SCART1: variants seen among roughly 807,000 people sequenced by gnomAD.
SCART1 encodes the protein scavenger receptor cysteine-rich domain-containing protein SCART1.
SCART1 carries 62 observed loss-of-function variants against 36.2 expected under a neutral mutation model. The ratio of observed to expected loss-of-function variants is 1.71; its 90% CI spans 1.40 to 2.12. The LOEUF is 2.12. Ranked by LOEUF, SCART1 falls within the 30% of genes most tolerant of loss-of-function variation. The probability of loss-of-function intolerance (pLI) is 0.00; values close to 1 mark genes in which losing one functional copy is unlikely to be tolerated. For synonymous variants in SCART1, 487 were observed against 238.7 expected (o/e 2.04, Z -9.59); for missense variants, 1,041 against 540.5 (o/e 1.93, Z -9.18).
chr10:133,460,001 C>A, exon 6 of SCART1: 3 of 532,876 alleles, frequency 5.6e-6, no homozygotes, highest in South Asian at 5.2e-5. Flanking sequence ...TGGGCTGTGG[C>A]CGCGCCCTGA....
At chr10:133,464,765 G>A in exon 7 of SCART1, 1 of 702,082 alleles carries the variant, frequency 1.4e-6, no homozygotes, top group Non-Finnish European at 2.6e-6. Context: ...TGGGGAGTGG[G>A]GCTGGCTGGA....
Position 133,459,722 on chromosome 10 carries a change from A to C in SCART1, c.1521A>C (p.Glu507Asp), listed in dbSNP as rs891949149. 2.5e-4 allele frequency: 172 copies of C among 700,094 alleles called. 1 individual carries two copies. In the East Asian group the frequency reaches 4.6e-3, roughly 19 times the overall value. 43.4% of individuals were successfully genotyped at this position (700,094 alleles called of 1,614,324 possible). A position where few individuals can be genotyped will look rare whatever the true frequency, so the allele number is the denominator to read the frequency against. Residue 507 changes from glutamate to aspartate, a missense_variant, in exon 6 of 12, where the codon GAA (glutamate) becomes GAC (aspartate). Transcript: ENST00000640237. The stretch of plus-strand genomic sequence containing the variant: ...GCCGCGTGCGCTGTCTGGGCACCGA[A>C]ACCCGCCTGACTCAGTGCAACGTGT...
At chr10:133,467,788 G>A (rs944721196) in intron 11 of SCART1, 59 bp from the exon 12 acceptor site, 1 of 602,774 alleles carries the variant, frequency 1.7e-6, no homozygotes, top group Admixed American at 2.6e-5. Context: ...TTTGCCAAAT[G>A]TGCTCTGGGG....
At position 133,456,337 on chromosome 10, in the gene SCART1, G is replaced by A. The variant is rs948607111; in HGVS notation, c.168G>A (p.Glu56=). 1.9e-4 allele frequency: 137 copies of A among 702,876 alleles called. No homozygotes were observed. The Admixed American group carries it at 2.7e-3, about 14-fold the overall frequency. The allele number at this position is 702,876 out of a possible 1,614,324, so 43.5% of individuals were successfully genotyped here. The change falls in exon 2 of 12, where the codon GAG becomes GAA. Residue 56 remains glutamate, a synonymous_variant. Coordinates refer to ENST00000640237, the Ensembl canonical transcript of SCART1. ...CATGGGGATACGTGTGCAACCAGGAGTGGACGCTGGCAGAGGCCTCTGTCG... is the reference window on the plus strand; with the variant it reads ...CATGGGGATACGTGTGCAACCAGGAATGGACGCTGGCAGAGGCCTCTGTCG...
At chr10:133,459,298 G>A (rs1437398756) in exon 5 of SCART1, 15 of 645,606 alleles carry the variant, frequency 2.3e-5, no homozygotes, top group Non-Finnish European at 3.9e-5. Flanking sequence ...CCTGTGCCCC[G>A]GGAAACACAG....
chr10:133,465,796 C>A, intron 9 of SCART1: 1 of 694,974 alleles, frequency 1.4e-6, no homozygotes. Flanking sequence ...TTGTTTATTC[C>A]AATCCTTGTT....
exon 10 of SCART1, chr10:133,466,327 C>A: frequency 1.4e-6 from 1 of 703,056 alleles, no homozygotes; most frequent in Non-Finnish European, 2.6e-6. Flanking sequence ...TCTTCTCCTT[C>A]TGGGCCTCAT....
rs1442873625 is a variant in SCART1, at chr10:133,454,104, G to A, written c.67+40G>A. On this transcript the variant is annotated intron_variant, in intron 1 of 11. Coordinates refer to ENST00000640237, the Ensembl canonical transcript of SCART1. ...CCTTCATCCATGGAACTTTCTGGAGGCATCAGCTCTGTTGATGCCCAGGCC... is the reference window on the plus strand; with the variant it reads ...CCTTCATCCATGGAACTTTCTGGAGACATCAGCTCTGTTGATGCCCAGGCC... The A allele has an allele frequency of 4.3e-6, 3 of 702,344 alleles. No homozygotes were observed. The East Asian group carries it at 8.1e-5, about 19-fold the overall frequency. The allele number at this position is 702,344 out of a possible 1,614,324, so 43.5% of individuals were successfully genotyped here. A position where few individuals can be genotyped will look rare whatever the true frequency, so the allele number is the denominator to read the frequency against.
At chr10:133,458,054 C>A in intron 3 of SCART1, 1 of 603,712 alleles carries the variant, frequency 1.7e-6, no homozygotes, top group Non-Finnish European at 3.0e-6. Flanking sequence ...GGTGCCCTGA[C>A]CTCGCCTCTG....
chr10:133,458,380 G>T (rs1850646392), exon 4 of SCART1: 1 of 702,664 alleles, frequency 1.4e-6, no homozygotes, highest in East Asian at 2.7e-5. Context: ...GGCCCGACTG[G>T]TGGGCGGCGA....
exon 5 of SCART1, chr10:133,459,070 C>T (rs998280930): frequency 1.4e-6 from 1 of 700,998 alleles, no homozygotes; most frequent in African/African-American, 1.7e-5. Flanking sequence ...GCGTGGAGTT[C>T]CAGGTGCAGG....
chr10:133,454,434 G>A (rs1850584076), intron 1 of SCART1, among the ~76,000 whole-genome samples: 1 of 152,194 alleles, frequency 6.6e-6, no homozygotes, highest in African/African-American at 2.4e-5. Flanking sequence ...TCCTGGGAAG[G>A]AGGTGGGAGG....
In SCART1 at chr10:133,453,975, G is replaced by A. The variant is rs1850578761; in HGVS notation, c.-23G>A. 3 of 702,972 alleles carry A rather than the reference G, an allele frequency of 4.3e-6. No homozygotes were observed. The East Asian group carries it at 8.0e-5, about 19-fold the overall frequency. The allele number at this position is 702,972 out of a possible 1,614,324, so 43.5% of individuals were successfully genotyped here. ...CCCAGCTAAGCAGCGAGAGCTTGCT[G>A]AAGCCCAGAGGGCTGTGGGACCATG... On this transcript the variant is annotated 5_prime_UTR_variant, in exon 1 of 12. Coordinates refer to ENST00000640237, the Ensembl canonical transcript of SCART1.
intron 1 of SCART1, among the ~76,000 whole-genome samples, chr10:133,454,622 C>A (rs1012402482): frequency 6.6e-6 from 1 of 151,798 alleles, no homozygotes; most frequent in Non-Finnish European, 1.5e-5. Context: ...GAGGGAGCCC[C>A]GGGGACCTGC....
exon 3 of SCART1, chr10:133,457,549 G>A (rs1172447236): frequency 1.7e-5 from 12 of 701,578 alleles, no homozygotes; most frequent in African/African-American, 3.5e-5. Flanking sequence ...TGCGACCTGC[G>A]GCTGGACGCA....
exon 12 of SCART1, chr10:133,467,915 G>A (rs1345915333): frequency 1.4e-6 from 1 of 700,072 alleles, no homozygotes; most frequent in South Asian, 1.5e-5. Flanking sequence ...CAGCAGACCT[G>A]TTTCTCAGGG....
intron 10 of SCART1, 44 bp downstream of exon 10, chr10:133,466,425 G>A: frequency 1.4e-6 from 1 of 690,480 alleles, no homozygotes; most frequent in Non-Finnish European, 2.6e-6. Context: ...GTGTGCAGGA[G>A]CAAGAGCAGC....
exon 10 of SCART1, chr10:133,466,239 T>G (rs1036969553): frequency 2.8e-6 from 2 of 702,336 alleles, no homozygotes; most frequent in Non-Finnish European, 5.2e-6. Flanking sequence ...TCTCAGAGCC[T>G]GGCCCAGGCC....
chr10:133,459,804 G>C (rs967754883), exon 6 of SCART1: 10 of 648,480 alleles, frequency 1.5e-5, no homozygotes, highest in Admixed American at 9.1e-5. Context: ...GGTGTGCTCC[G>C]GTGAGGTCGG....
Sources: allele counts gnomAD v4.1 joint callset (sites outside exome capture counted in the v4.1 genomes callset), GRCh38; gene constraint gnomAD v4.1.1; transcripts MANE v1.5; gene names NCBI Gene and HGNC (gene_info 2026-07-23, HGNC 2026-07-21).